ARHGAP11A: variants seen among roughly 807,000 people sequenced by gnomAD.
The protein encoded by ARHGAP11A is rho GTPase-activating protein 11A.
ARHGAP11A carries 36 observed loss-of-function variants against 60.5 expected under a neutral mutation model. The observed-to-expected ratio is 0.59, with a 90% CI of 0.46 to 0.79. The LOEUF is 0.79. Among genes scored for constraint, ARHGAP11A ranks in the 30% least tolerant of loss-of-function variants. ARHGAP11A has a pLI of 0.00. For missense variants in ARHGAP11A, 1,071 were observed against 1,199.2 expected (o/e 0.89, Z 1.58); for synonymous variants, 362 against 415.5 (o/e 0.87, Z 1.57).
rs2140434438 is a variant in ARHGAP11A, at chr15:32,616,204, T to C, written c.-8T>C. Reference sequence around the variant, plus strand: ...ATCCTGCCTCAGAGAGTTATCGACGTATCCGGAATGTGGGATCAGAGGCTG... The same window carrying C: ...ATCCTGCCTCAGAGAGTTATCGACGCATCCGGAATGTGGGATCAGAGGCTG... On this transcript the variant is annotated 5_prime_UTR_variant, in exon 1 of 12. Transcript: ENST00000361627. The C allele has an allele frequency of 1.9e-6, 3 of 1,614,118 alleles. No individual in the cohort carries two copies. The highest frequency in any genetic ancestry group is 2.2e-5 in the East Asian group (1 of 44,880).
In ARHGAP11A at chr15:32,616,171, G is replaced by C. The variant is rs781044661; in HGVS notation, c.-41G>C. 24 of 1,605,998 alleles carry C rather than the reference G, an allele frequency of 1.5e-5. No individual in the cohort carries two copies. The highest frequency in any genetic ancestry group is 2.0e-5 in the Non-Finnish European group (23 of 1,175,490). ...AAGACTTGGTGGCGAACGAGGGTCA[G>C]GACCTGCATCCTGCCTCAGAGAGTT... On this transcript the variant is annotated 5_prime_UTR_variant, in exon 1 of 12. Coordinates refer to ENST00000361627, the MANE Select transcript of ARHGAP11A (RefSeq NM_014783.6).
At chr15:32,619,380 T>G (rs1018462811) in intron 1 of ARHGAP11A, among the ~76,000 whole-genome samples, 3 of 152,216 alleles carry the variant, frequency 2.0e-5, no homozygotes, top group Admixed American at 1.3e-4. Context: ...GGCAGATTCT[T>G]TATTCTTCAG....
Position 32,625,100 on chromosome 15 carries a change from A to G in ARHGAP11A, c.572A>G (p.Asp191Gly), listed in dbSNP as rs1007935452. The change falls in exon 5 of 12, where the codon GAC (aspartate) becomes GGC (glycine). Residue 191 changes from aspartate to glycine, a missense_variant. Physicochemically the swap from Asp to Gly is moderately conservative, Grantham distance 94 (BLOSUM62 -1). Transcript: ENST00000361627. ...TTAAGATCCAGTGAGAATAAGATGG[A>G]CAGCAGCAATCTTGCAGTAATATTT... is the stretch of plus-strand genomic sequence containing the variant. ...VSLRSSENKM[D>G]SSNLAVIFAP... 4 of 1,613,934 alleles carry G rather than the reference A, an allele frequency of 2.5e-6. No homozygotes were observed. Among genetic ancestry groups the G allele is most frequent in the Non-Finnish European group, 3.4e-6 (4 of 1,179,824 alleles).
chr15:32,625,461 T>C, intron 5 of ARHGAP11A, 26 bp from the exon 6 acceptor site: 1 of 1,610,834 alleles, frequency 6.2e-7, no homozygotes. Context: ...ATAATAATTG[T>C]CTTACTTGTG....
chr15:32,623,293 A>C (rs1000158429), intron 2 of ARHGAP11A, among the ~76,000 whole-genome samples, 199 bp from the exon 3 acceptor site: 1 of 152,230 alleles, frequency 6.6e-6, no homozygotes, highest in South Asian at 2.1e-4. Context: ...TGGAGTTGTT[A>C]GAAGTAAAAA....
chr15:32,616,074 G>A lies in ARHGAP11A; in HGVS notation c.-138G>A. On this transcript the variant is annotated 5_prime_UTR_variant, in exon 1 of 12. Coordinates refer to ENST00000361627, the MANE Select transcript of ARHGAP11A (RefSeq NM_014783.6). The stretch of plus-strand genomic sequence containing the variant: ...AGCCGTGGAAGTGGCCGGGGGTCGG[G>A]GCCGCAGAAGTGCCAGACGGGGCCG... 7.6e-7 allele frequency: 1 copy of A among 1,316,802 alleles called. No individual in the cohort carries two copies. The allele number at this position is 1,316,802 out of a possible 1,614,324, so 81.6% of individuals were successfully genotyped here.
rs754225792 is a variant in ARHGAP11A, at chr15:32,632,949, G to A, written c.1106-30G>A. 15 of 1,590,140 alleles carry A rather than the reference G, an allele frequency of 9.4e-6. No individual in the cohort carries two copies. In the East Asian group the frequency reaches 2.9e-4, roughly 31 times the overall value. ...TACTTTAAAAGGAAAATAGATATGT[G>A]TGGTATATTACATGTGGTTATTTTT... is the stretch of plus-strand genomic sequence containing the variant. On this transcript the variant is annotated intron_variant, in intron 8 of 11. Transcript: ENST00000361627.
Position 32,636,412 on chromosome 15 carries a change from G to GA in ARHGAP11A, c.1643dup (p.Asn548LysfsTer6). 1 of 1,614,052 alleles carries GA rather than the reference G, an allele frequency of 6.2e-7. No individual in the cohort carries two copies. Among genetic ancestry groups the GA allele is most frequent in the Non-Finnish European group, 8.5e-7 (1 of 1,179,960 alleles). ...TTCAATGGTGGAAAATCTTGAGGTA[G>GA]AAAACTCTTTGGAGCCTGATATTAT... On this transcript the variant is annotated frameshift_variant, in exon 12 of 12. Transcript: ENST00000361627. LOFTEE classifies it low-confidence loss of function (END_TRUNC).
rs764986669 is a variant in ARHGAP11A, at chr15:32,620,209, G to T, written c.200+31G>T. The T allele has an allele frequency of 1.2e-5, 19 of 1,601,034 alleles. No individual in the cohort carries two copies. In the Admixed American group the frequency reaches 2.1e-4, roughly 18 times the overall value. On this transcript the variant is annotated intron_variant, in intron 2 of 11. Coordinates refer to ENST00000361627, the MANE Select transcript of ARHGAP11A (RefSeq NM_014783.6). Reference sequence around the variant, plus strand: ...CAGAGTTTGAAATGAAGAAGGCCGGGTGCAGTGGCATATGCCTGTAACCCC... The same window carrying T: ...CAGAGTTTGAAATGAAGAAGGCCGGTTGCAGTGGCATATGCCTGTAACCCC...
chr15:32,617,086 C>G (rs916223612), intron 1 of ARHGAP11A, among the ~76,000 whole-genome samples: 3 of 151,996 alleles, frequency 2.0e-5, no homozygotes, highest in Non-Finnish European at 4.4e-5. Context: ...ATCAGGAATT[C>G]CATTGTGAAA....
Position 32,636,455 on chromosome 15 carries a change from C to T in ARHGAP11A, c.1682C>T (p.Ala561Val). The change falls in exon 12 of 12, where the codon GCT becomes GTT. Residue 561 changes from alanine (A) to valine (V), a missense_variant. By Grantham distance (64) the Ala-to-Val change is moderately conservative. Coordinates refer to ENST00000361627, the MANE Select transcript of ARHGAP11A (RefSeq NM_014783.6). ...EPDIMVEKSP[A>V]TSCELTPSNL... ...GATATTATGGTAGAAAAGTCACCTGCTACTTCATGTGAACTCACCCCTTCC... is the reference window on the plus strand; with the variant it reads ...GATATTATGGTAGAAAAGTCACCTGTTACTTCATGTGAACTCACCCCTTCC... 6.2e-7 allele frequency: 1 copy of T among 1,613,792 alleles called. No homozygotes were observed. The highest frequency in any genetic ancestry group is 1.1e-5 in the South Asian group (1 of 91,056).
At position 32,637,289 on chromosome 15, in the gene ARHGAP11A, G is replaced by A. The variant is rs199808572; in HGVS notation, c.2516G>A (p.Arg839His). ...SPLKFQRTPV[R>H]QSVRRINSLL... is the part of the protein sequence containing the mutation. ...CTTAAGTTTCAGCGTACTCCTGTTC[G>A]TCAGTCCGTCAGAAGAATTAATTCT... is the stretch of plus-strand genomic sequence containing the variant. The change falls in exon 12 of 12, where the codon CGT becomes CAT. Residue 839 changes from arginine (R) to histidine (H), a missense_variant. Coordinates refer to ENST00000361627, the MANE Select transcript of ARHGAP11A (RefSeq NM_014783.6). 8.7e-6 allele frequency: 14 copies of A among 1,614,052 alleles called. No homozygotes were observed. Among genetic ancestry groups the A allele is most frequent in the African/African-American group, 2.7e-5 (2 of 74,926 alleles).
Position 32,637,735 on chromosome 15 carries a change from A to C in ARHGAP11A, c.2962A>C (p.Arg988=). Residue 988 remains arginine, a synonymous_variant, in exon 12 of 12, where the codon AGG becomes CGG. Coordinates refer to ENST00000361627, the MANE Select transcript of ARHGAP11A (RefSeq NM_014783.6). ...GGGCATTTCTTCTGGGATAAATAAC[A>C]GGGTCCTTAGGAGACCATCAGAAAG... ...NMGISSGINN[R]VLRRPSERGR... 2 of 1,614,208 alleles carry C rather than the reference A, an allele frequency of 1.2e-6. No homozygotes were observed. Among genetic ancestry groups the C allele is most frequent in the Non-Finnish European group, 1.7e-6 (2 of 1,180,032 alleles).
intron 9 of ARHGAP11A, 109 bp from the exon 10 acceptor site, chr15:32,633,824 C>T: frequency 1.5e-6 from 1 of 649,884 alleles, no homozygotes; most frequent in South Asian, 2.0e-5. Flanking sequence ...TTAATCCATC[C>T]AATTATTATC....
chr15:32,629,237 T>TA (rs2053535079), intron 7 of ARHGAP11A, among the ~76,000 whole-genome samples: 1 of 145,578 alleles, frequency 6.9e-6, no homozygotes, highest in South Asian at 2.2e-4. Flanking sequence ...AACTGGTTAA[T>TA]ACTCACTTAT....
rs773894672 is a variant in ARHGAP11A at position 32,620,137 on chromosome 15, A to G, written c.159A>G (p.Ala53=). The G allele has an allele frequency of 1.2e-6, 2 of 1,612,298 alleles. No individual in the cohort carries two copies. The highest frequency in any genetic ancestry group is 1.7e-6 in the Non-Finnish European group (2 of 1,179,106). The change falls in exon 2 of 12, where the codon GCA becomes GCG. Residue 53 remains alanine (A), a synonymous_variant. Transcript: ENST00000361627. ...GGKIFGVPFN[A]LPHSAVPEYG... is the part of the protein sequence containing the mutation. ...AAATATTTGGAGTACCTTTTAATGC[A>G]CTGCCCCATTCTGCTGTACCAGAAT... is the stretch of plus-strand genomic sequence containing the variant.
rs2053393777 is a variant in ARHGAP11A at position 32,623,860 on chromosome 15, GC to G, written c.297+274del. ...AATGTGTTAAGTTATATTGTTGTTA[GC>G]CTTCTAGAAGGAGTGATAGAGCTGA... On this transcript the variant is annotated intron_variant, in intron 3 of 11. Coordinates refer to ENST00000361627, the MANE Select transcript of ARHGAP11A (RefSeq NM_014783.6). Among the ~76,000 whole-genome samples, 5 of 152,068 alleles carry G rather than the reference GC, an allele frequency of 3.3e-5. No individual in the cohort carries two copies. In the South Asian group the frequency reaches 1.0e-3, roughly 32 times the overall value.
intron 2 of ARHGAP11A, among the ~76,000 whole-genome samples, chr15:32,622,007 G>A (rs1336276437): frequency 6.6e-6 from 1 of 152,308 alleles, no homozygotes; most frequent in Non-Finnish European, 1.5e-5. Context: ...CCTTAGGACA[G>A]TTTCCCCCCA....
intron 11 of ARHGAP11A, 109 bp downstream of exon 11, chr15:32,636,024 T>C: frequency 2.1e-6 from 3 of 1,412,552 alleles, no homozygotes; most frequent in South Asian, 1.7e-5. Flanking sequence ...TAAAAGTTCA[T>C]GTTTGAATAG....
Sources: allele counts gnomAD v4.1 joint callset (sites outside exome capture counted in the v4.1 genomes callset), GRCh38; gene constraint gnomAD v4.1.1; transcripts MANE v1.5; gene names NCBI Gene and HGNC (gene_info 2026-07-23, HGNC 2026-07-21).